The following MYOCD variants were observed in gnomAD, a reference collection of about 807,000 sequenced individuals.
MYOCD encodes myocardin.
In MYOCD, 32 loss-of-function variants were observed where a neutral mutation model predicts 96.1. That is an observed-to-expected ratio of 0.33 (90% CI 0.25 to 0.45). MYOCD has a LOEUF of 0.45. Ranked by LOEUF, MYOCD falls within the 20% of genes least tolerant of loss-of-function variation. The pLI is 1.00. For missense variants in MYOCD, 1,133 were observed against 1,200.6 expected, an observed-to-expected ratio of 0.94 and a Z score of 0.83; for synonymous variants, 469 against 469.0, an observed-to-expected ratio of 1.00 and a Z score of 0.00.
chr17:12,764,409 AC>A lies in MYOCD; in HGVS notation c.*768del, dbSNP rs1276141108. ...TGATAAGTACGTGTCCTAGATGAGA[AC>A]CCTGAAGAATGCAGACCTTCTTCCC... On this transcript the variant is annotated 3_prime_UTR_variant, in exon 14 of 14. Transcript: ENST00000425538. The A allele has an allele frequency of 6.6e-6, 1 of 152,276 alleles. No homozygotes were observed. Among genetic ancestry groups the A allele is most frequent in the Admixed American group, 6.5e-5 (1 of 15,282 alleles). The allele number at this position is 152,276 out of a possible 1,614,324, so 9.4% of individuals were successfully genotyped here. A position where few individuals can be genotyped will look rare whatever the true frequency, so the allele number is the denominator to read the frequency against.
chr17:12,748,242 G>T (rs1020384531), intron 9 of MYOCD, among the ~76,000 whole-genome samples: 2 of 150,734 alleles, frequency 1.3e-5, no homozygotes, highest in Non-Finnish European at 2.9e-5. Flanking sequence ...AAAACTGAGA[G>T]AATACCTTAT....
At chr17:12,723,782 G>T (rs1229387005) in intron 5 of MYOCD, among the ~76,000 whole-genome samples, 2 of 152,116 alleles carry the variant, frequency 1.3e-5, no homozygotes, top group African/African-American at 2.4e-5. Context: ...GCCGCAATCC[G>T]CTCTGAGAAC....
At chr17:12,724,289 T>C (rs1251036943) in intron 5 of MYOCD, among the ~76,000 whole-genome samples, 1 of 152,204 alleles carries the variant, frequency 6.6e-6, no homozygotes, top group African/African-American at 2.4e-5. Flanking sequence ...TTTTACATGA[T>C]AGGAAAAAGG....
chr17:12,677,069 C>T (rs2150634303), intron 1 of MYOCD, among the ~76,000 whole-genome samples: 2 of 152,180 alleles, frequency 1.3e-5, no homozygotes, highest in Middle Eastern at 3.4e-3. Context: ...CACTATGCAG[C>T]CATAAAAAAG....
rs1480273905 is a variant in MYOCD, at chr17:12,744,211, G to A, written c.746G>A (p.Arg249His). 2.0e-5 allele frequency: 32 copies of A among 1,613,878 alleles called. No homozygotes were observed. Among genetic ancestry groups the A allele is most frequent in the Admixed American group, 8.3e-5 (5 of 59,986 alleles). ...AAATCCTTGGGTGACAGTAAGAACC[G>A]CCACAAAAAGCCCAAGGACCCCAAG... ...KSKSLGDSKN[R>H]HKKPKDPKPK... is the part of the protein sequence containing the mutation. The change falls in exon 8 of 14, where the codon CGC (arginine) becomes CAC (histidine). Residue 249 changes from arginine to histidine, a missense_variant. Transcript: ENST00000425538.
chr17:12,745,533 T>A (rs2032637948), intron 8 of MYOCD, among the ~76,000 whole-genome samples: 1 of 152,018 alleles, frequency 6.6e-6, no homozygotes, highest in Non-Finnish European at 1.5e-5. Context: ...ATTGTCAATA[T>A]CCCCACATAT....
intron 1 of MYOCD, among the ~76,000 whole-genome samples, chr17:12,676,633 A>G (rs1372519702): frequency 2.0e-5 from 3 of 152,150 alleles, no homozygotes; most frequent in African/African-American, 7.2e-5. Flanking sequence ...GGCTGAGGCC[A>G]TGGGAGGTTT....
chr17:12,741,658 G>A (rs1004863832), intron 7 of MYOCD, among the ~76,000 whole-genome samples: 4 of 151,720 alleles, frequency 2.6e-5, no homozygotes, highest in African/African-American at 4.8e-5. Flanking sequence ...GCAGTGAGCC[G>A]AGATCGCAGT....
At chr17:12,709,416 G>A (rs753134033) in intron 2 of MYOCD, among the ~76,000 whole-genome samples, 1 of 152,094 alleles carries the variant, frequency 6.6e-6, no homozygotes, top group East Asian at 1.9e-4. Context: ...GAATTTAAAG[G>A]CACCATCTCT....
intron 6 of MYOCD, among the ~76,000 whole-genome samples, chr17:12,737,052 C>G (rs2032367288): frequency 6.6e-6 from 1 of 152,140 alleles, no homozygotes; most frequent in Admixed American, 6.5e-5. Flanking sequence ...ATCAGGAGTG[C>G]AAGACCAGCC....
At chr17:12,694,881 C>CAAAAAAAAAAA (rs201215491) in intron 1 of MYOCD, among the ~76,000 whole-genome samples, 1 of 69,650 alleles carries the variant, frequency 1.4e-5, no homozygotes, top group Non-Finnish European at 2.9e-5. Flanking sequence ...AAGGAATAAC[C>CAAAAAAAAAAA]AAAAAAAAAA....
chr17:12,716,065 T>C (rs2031630195), intron 3 of MYOCD, among the ~76,000 whole-genome samples: 1 of 152,224 alleles, frequency 6.6e-6, no homozygotes, highest in Non-Finnish European at 1.5e-5. Context: ...AGATTTGGCA[T>C]ATATTCTGTA....
chr17:12,679,499 A>G (rs1236977837), intron 1 of MYOCD, among the ~76,000 whole-genome samples: 2 of 152,246 alleles, frequency 1.3e-5, no homozygotes, highest in Admixed American at 1.3e-4. Flanking sequence ...TGTGTCTAAC[A>G]GTAGAGCCAG....
At chr17:12,752,123 A>G (rs887104118) in intron 9 of MYOCD, among the ~76,000 whole-genome samples, 1 of 152,212 alleles carries the variant, frequency 6.6e-6, no homozygotes. Flanking sequence ...ACAGATCGCC[A>G]TGAGGGATGA....
At chr17:12,708,100 TAG>T (rs2031360191) in intron 2 of MYOCD, among the ~76,000 whole-genome samples, 1 of 152,106 alleles carries the variant, frequency 6.6e-6, no homozygotes, top group South Asian at 2.1e-4. Context: ...CTCTTCAGAA[TAG>T]AGTTTGAAAA....
rs376188462 is a variant in MYOCD, at chr17:12,693,525, G to A, written c.56-11603G>A. On this transcript the variant is annotated intron_variant, in intron 1 of 13. Coordinates refer to ENST00000425538, the MANE Select transcript of MYOCD (RefSeq NM_001146312.3). The stretch of plus-strand genomic sequence containing the variant: ...CTCAGGAGGCTGAGGCAGGAGATTC[G>A]CTTGAACCTGGGAGGCAGCGGTGGC... 2.6e-4 allele frequency among the ~76,000 whole-genome samples: 39 copies of A among 151,882 alleles called. No individual in the cohort carries two copies. In the South Asian group the frequency reaches 7.7e-3, roughly 30 times the overall value.
intron 1 of MYOCD, among the ~76,000 whole-genome samples, chr17:12,667,515 T>A (rs1050559950): frequency 6.6e-6 from 1 of 152,216 alleles, no homozygotes; most frequent in Non-Finnish European, 1.5e-5. Context: ...ACCTCACCAC[T>A]GCGTTGTATT....
chr17:12,694,192 C>T (rs2150660387), intron 1 of MYOCD, among the ~76,000 whole-genome samples: 1 of 152,244 alleles, frequency 6.6e-6, no homozygotes, highest in East Asian at 1.9e-4. Flanking sequence ...AGCTCTGGGA[C>T]ACAAATGGGC....
chr17:12,705,623 G>A lies in MYOCD; in HGVS notation c.121+430G>A, dbSNP rs79284115. 2.6e-3 allele frequency: 398 copies of A among 154,420 alleles called. 12 individuals are homozygous for A. In the East Asian group the frequency reaches 0.062, roughly 24 times the overall value. The allele number at this position is 154,420 out of a possible 1,614,324, so 9.6% of individuals were successfully genotyped here. On this transcript the variant is annotated intron_variant, in intron 2 of 13. Transcript: ENST00000425538. ...GTCAAGTATTTCCTTTCTAGAAGGTGGAGTGGCAATACCATTTTAGCATAA... is the reference window on the plus strand; with the variant it reads ...GTCAAGTATTTCCTTTCTAGAAGGTAGAGTGGCAATACCATTTTAGCATAA...
Sources: gnomAD v4.1 joint callset for allele counts (sites outside exome capture counted in the v4.1 genomes callset) on GRCh38, gnomAD v4.1.1 for gene constraint, MANE v1.5 for transcripts, NCBI Gene and HGNC (gene_info 2026-07-23, HGNC 2026-07-21) for gene names.